Variants in EGF observed in about 807,000 individuals in gnomAD.
EGF encodes the protein pro-epidermal growth factor.
EGF carries 95 observed loss-of-function variants against 143.8 expected under a neutral mutation model. That is an observed-to-expected ratio of 0.66 (90% CI 0.56 to 0.78). The LOEUF is 0.78. Ranked by LOEUF, EGF falls within the 30% of genes least tolerant of loss-of-function variation. The pLI is 0.00. For synonymous variants in EGF, 510 were observed against 510.5 expected, an observed-to-expected ratio of 1.00 and a Z score of 0.01; for missense variants, 1,320 against 1,470.9, an observed-to-expected ratio of 0.90 and a Z score of 1.68.
Position 109,960,119 on chromosome 4 carries a change from T to C in EGF, c.1066+682T>C, listed in dbSNP as rs11568929. Among the ~76,000 whole-genome samples, 516 of 152,130 alleles carry C rather than the reference T, an allele frequency of 3.4e-3. 3 individuals carry two copies. Among genetic ancestry groups the C allele is most frequent in the African/African-American group, 0.012 (491 of 41,498 alleles). On this transcript the variant is annotated intron_variant, in intron 6 of 23. Coordinates refer to ENST00000265171, the MANE Select transcript of EGF (RefSeq NM_001963.6). ...ATGGGTGAAAGCCATGGCATAGAGA[T>C]AGTGAGCTGGAAGGCTGGGGCTTCA...
At chr4:109,976,391 A>G (rs1748510533) in intron 13 of EGF, among the ~76,000 whole-genome samples, 156 bp downstream of exon 13, 1 of 152,210 alleles carries the variant, frequency 6.6e-6, no homozygotes, top group Non-Finnish European at 1.5e-5. Context: ...TGCAAAGCTT[A>G]CCTTAACATT....
chr4:109,998,805 A>G (rs1319967416), intron 20 of EGF, among the ~76,000 whole-genome samples: 1 of 152,240 alleles, frequency 6.6e-6, no homozygotes, highest in African/African-American at 2.4e-5. Context: ...GGATGAATAA[A>G]TAGTTGATCC....
At position 110,013,650 on chromosome 4, in the gene EGF, C is replaced by T. The variant is rs11569157; in HGVS notation, c.*2195C>T. Among the ~76,000 whole-genome samples, 2 of 151,956 alleles carry T rather than the reference C, an allele frequency of 1.3e-5. No individual in the cohort carries two copies. On this transcript the variant is annotated 3_prime_UTR_variant, in exon 24 of 24. Coordinates refer to ENST00000265171, the MANE Select transcript of EGF (RefSeq NM_001963.6). The stretch of plus-strand genomic sequence containing the variant: ...AATACTTTTCCTCCCTAACTCTCAT[C>T]GTCTCATTGCGCGCAACGCCTGATT...
chr4:110,002,464 G>A (rs779219176), intron 21 of EGF, among the ~76,000 whole-genome samples: 5 of 152,162 alleles, frequency 3.3e-5, no homozygotes, highest in Non-Finnish European at 4.4e-5. Flanking sequence ...CTGCTCTCCA[G>A]CCTGGGTGAC....
intron 1 of EGF, 111 bp downstream of exon 1, chr4:109,913,573 T>C (rs1736079051): frequency 6.7e-7 from 1 of 1,487,746 alleles, no homozygotes; most frequent in Non-Finnish European, 9.1e-7. Context: ...TTTGGGTATG[T>C]ATAGTTGCTT....
At chr4:109,923,884 G>C (rs1419674845) in intron 1 of EGF, among the ~76,000 whole-genome samples, 1 of 151,508 alleles carries the variant, frequency 6.6e-6, no homozygotes, top group African/African-American at 2.5e-5. Flanking sequence ...GCCTCCCAAA[G>C]TGCTGGGATT....
At chr4:109,964,653 G>C in intron 10 of EGF, 116 bp downstream of exon 10, 1 of 1,416,278 alleles carries the variant, frequency 7.1e-7, no homozygotes, top group Non-Finnish European at 9.7e-7. Context: ...TGAATGATTA[G>C]GCACAGAACA....
Position 110,011,488 on chromosome 4 carries a change from G to T in EGF, c.*33G>T. The T allele has an allele frequency of 6.2e-7, 1 of 1,614,064 alleles. No individual in the cohort carries two copies. Among genetic ancestry groups the T allele is most frequent in the South Asian group, 1.1e-5 (1 of 91,064 alleles). On this transcript the variant is annotated 3_prime_UTR_variant, in exon 24 of 24. Coordinates refer to ENST00000265171, the MANE Select transcript of EGF (RefSeq NM_001963.6). ...AATTAAAAGGAAAGTCAAGAAGAAT[G>T]AACTATGTCGATGCACAGTATCTTT...
At chr4:109,968,859 T>G (rs935262620) in intron 10 of EGF, 112 bp from the exon 11 acceptor site, 1 of 1,428,182 alleles carries the variant, frequency 7.0e-7, no homozygotes, top group Non-Finnish European at 9.7e-7. Context: ...GGTGTGCCTA[T>G]CTCCAAAGTC....
At chr4:109,937,359 CT>C (rs57083170) in intron 1 of EGF, among the ~76,000 whole-genome samples, 22,931 of 139,220 alleles carry the variant, frequency 0.16, 2,712 homozygotes, top group East Asian at 0.4. Flanking sequence ...GCAATCCCTG[CT>C]TTTTTTTTTT....
At chr4:110,007,941 G>T (rs1021029872) in intron 22 of EGF, among the ~76,000 whole-genome samples, 1 of 152,160 alleles carries the variant, frequency 6.6e-6, no homozygotes, top group Non-Finnish European at 1.5e-5. Context: ...ATATTGGTGT[G>T]CCTAGTTGCT....
intron 18 of EGF, chr4:109,992,387 C>T (rs2126147887): frequency 6.6e-6 from 1 of 152,184 alleles, no homozygotes; most frequent in Middle Eastern, 3.4e-3. Flanking sequence ...AGCATGGCCC[C>T]TGCGCAAGGA....
At chr4:109,956,340 A>G (rs1194763868) in intron 5 of EGF, among the ~76,000 whole-genome samples, 1 of 152,178 alleles carries the variant, frequency 6.6e-6, no homozygotes, top group Non-Finnish European at 1.5e-5. Flanking sequence ...TTTATAGGGC[A>G]AAGGAAAGAG....
chr4:109,968,684 C>G (rs868491009), intron 10 of EGF: 6 of 397,230 alleles, frequency 1.5e-5, no homozygotes, highest in African/African-American at 1.2e-4. Flanking sequence ...ATCTATCTAT[C>G]TATCTATCTA....
chr4:109,958,949 G>A (rs1418477327), intron 5 of EGF, among the ~76,000 whole-genome samples: 1 of 151,144 alleles, frequency 6.6e-6, no homozygotes, highest in African/African-American at 2.4e-5. Context: ...GTATTCTTAG[G>A]TTTGAATCTG....
intron 1 of EGF, among the ~76,000 whole-genome samples, chr4:109,936,545 C>T (rs1740836630): frequency 6.6e-6 from 1 of 152,182 alleles, no homozygotes; most frequent in Non-Finnish European, 1.5e-5. Flanking sequence ...CTATCTCCTT[C>T]AGTTCTGCTC....
At chr4:109,966,747 GAAGATATCTCATT>G (rs959967974) in intron 10 of EGF, among the ~76,000 whole-genome samples, 3 of 152,124 alleles carry the variant, frequency 2.0e-5, no homozygotes, top group African/African-American at 7.2e-5. Context: ...ATGGGTGTAA[GAAGATATCTCATT>G]GTGATTTTGA....
intron 5 of EGF, among the ~76,000 whole-genome samples, chr4:109,948,469 T>A (rs2126021872): frequency 6.6e-6 from 1 of 152,222 alleles, no homozygotes; most frequent in South Asian, 2.1e-4. Flanking sequence ...GTTTTCAATG[T>A]GTTTGACATC....
In EGF at chr4:109,941,137, A is replaced by C; in HGVS notation, c.319A>C (p.Arg107=). 6.2e-7 allele frequency: 1 copy of C among 1,613,960 alleles called. No individual in the cohort carries two copies. Among genetic ancestry groups the C allele is most frequent in the Non-Finnish European group, 8.5e-7 (1 of 1,179,922 alleles). ...GCAAAGAGTTTTTCTGAATGGGTCA[A>C]GGCAAGAGGTAAAATACCCTTACCT... The part of the protein sequence containing the change: ...LLQRVFLNGS[R]QERVCNIEKN... Residue 107 remains arginine, a synonymous_variant, in exon 2 of 24, where the codon AGG becomes CGG. Transcript: ENST00000265171.
Sources: gnomAD v4.1 joint callset for allele counts (sites outside exome capture counted in the v4.1 genomes callset) on GRCh38, gnomAD v4.1.1 for gene constraint, MANE v1.5 for transcripts, NCBI Gene and HGNC (gene_info 2026-07-23, HGNC 2026-07-21) for gene names.